GRM5: variants seen among roughly 807,000 people sequenced by gnomAD.
GRM5 encodes glutamate metabotropic receptor 5, also known as metabotropic glutamate receptor 5.
In GRM5, 19 loss-of-function variants were observed where a neutral mutation model predicts 83.1. The observed-to-expected ratio is 0.23, with a 90% CI of 0.16 to 0.34. The LOEUF (loss-of-function observed/expected upper bound fraction) is 0.34, where lower values mean the gene tolerates loss of function less well. Ranked by LOEUF, GRM5 falls within the 10% of genes least tolerant of loss-of-function variation. GRM5 has a pLI of 1.00. For synonymous variants in GRM5, 675 were observed against 633.6 expected (o/e 1.07, Z -0.98); for missense variants, 1,160 against 1,588.3 (o/e 0.73, Z 4.58).
chr11:88,701,338 G>A (rs558866250), intron 3 of GRM5, among the ~76,000 whole-genome samples: 59 of 152,120 alleles, frequency 3.9e-4, no homozygotes, highest in Non-Finnish European at 5.9e-4. Context: ...GGACTAAGAA[G>A]GACATGGTGA....
At chr11:88,830,889 A>G (rs1943978601) in intron 3 of GRM5, among the ~76,000 whole-genome samples, 2 of 152,162 alleles carry the variant, frequency 1.3e-5, no homozygotes, top group Non-Finnish European at 1.5e-5. Context: ...CAGGTCTCAC[A>G]TGGATGGCAG....
intron 2 of GRM5, among the ~76,000 whole-genome samples, chr11:89,009,764 G>A (rs1242605867): frequency 6.6e-6 from 1 of 150,884 alleles, no homozygotes; most frequent in African/African-American, 2.4e-5. Context: ...AGCCGGGCGT[G>A]GTAGCGGGCG....
At chr11:88,925,592 A>G (rs1411392535) in intron 2 of GRM5, among the ~76,000 whole-genome samples, 1 of 152,160 alleles carries the variant, frequency 6.6e-6, no homozygotes, top group East Asian at 1.9e-4. Flanking sequence ...CTAAAAATCA[A>G]AAAGCACCTC....
intron 4 of GRM5, among the ~76,000 whole-genome samples, chr11:88,641,752 G>A (rs575612161): frequency 6.6e-6 from 1 of 152,318 alleles, no homozygotes; most frequent in African/African-American, 2.4e-5. Flanking sequence ...CACTTCTAGG[G>A]CATGTGGGTG....
At chr11:88,529,175 C>T (rs897704388) in intron 8 of GRM5, among the ~76,000 whole-genome samples, 2 of 151,758 alleles carry the variant, frequency 1.3e-5, no homozygotes, top group Non-Finnish European at 2.9e-5. Context: ...CATTCAAAAC[C>T]GTTTACTGAA....
chr11:88,656,602 G>GT (rs1325596820), intron 3 of GRM5, among the ~76,000 whole-genome samples: 1 of 151,916 alleles, frequency 6.6e-6, no homozygotes. Context: ...GCATGTTCGT[G>GT]TTTTTTATTG....
At chr11:89,044,994 TAA>T (rs1941613298) in intron 2 of GRM5, among the ~76,000 whole-genome samples, 1 of 152,174 alleles carries the variant, frequency 6.6e-6, no homozygotes, top group Non-Finnish European at 1.5e-5. Flanking sequence ...TGATAAATCA[TAA>T]GACTTAACAC....
intron 8 of GRM5, among the ~76,000 whole-genome samples, chr11:88,541,874 G>A (rs566285017): frequency 3.0e-4 from 45 of 152,342 alleles, no homozygotes; most frequent in African/African-American, 1.0e-3. Context: ...GTGGAGGAAG[G>A]GAGGTGATTG....
intron 4 of GRM5, among the ~76,000 whole-genome samples, chr11:88,623,879 C>T (rs904546828): frequency 4.6e-5 from 7 of 152,146 alleles, no homozygotes; most frequent in African/African-American, 1.7e-4. Flanking sequence ...GGGCAATATT[C>T]TTTAAATTAA....
chr11:88,988,945 GCAT>G (rs1939854332), intron 2 of GRM5, among the ~76,000 whole-genome samples: 4 of 147,772 alleles, frequency 2.7e-5, no homozygotes, highest in African/African-American at 1.0e-4. Context: ...GGAAGAAACT[GCAT>G]CAACTAATGA....
intron 8 of GRM5, among the ~76,000 whole-genome samples, chr11:88,538,949 A>G (rs1333360568): frequency 6.6e-6 from 1 of 152,208 alleles, no homozygotes; most frequent in Non-Finnish European, 1.5e-5. Flanking sequence ...GGCCTAAGGG[A>G]TACAGGTAAC....
At chr11:88,593,824 C>T (rs1225349480) in intron 6 of GRM5, among the ~76,000 whole-genome samples, 1 of 149,612 alleles carries the variant, frequency 6.7e-6, no homozygotes, top group Non-Finnish European at 1.5e-5. Context: ...GACGTAGTCT[C>T]ACTCTGTCGC....
rs1942907604 is a variant in GRM5 at position 88,567,942 on chromosome 11, T to G, written c.1741A>C (p.Ile581Leu). Residue 581 changes from isoleucine to leucine, a missense_variant, in exon 8 of 10, where the codon ATT (isoleucine) becomes CTT (leucine). Around this residue, in one of 9 missense-constraint regions of GRM5, gnomAD observed 132 missense variants for 245.5 expected, o/e 0.54. Transcript: ENST00000305447. The surrounding 1 kb of genome is among the most constrained non-coding windows in gnomAD (Gnocchi z 7.3). Reference sequence around the variant, plus strand: ...AGGCAGGCAAACACCACAGCTGCAATGGGTTCAGGGTCACCCCATCGAAGA... The same window carrying G: ...AGGCAGGCAAACACCACAGCTGCAAGGGGTTCAGGGTCACCCCATCGAAGA... ...QYLRWGDPEP[I>L]AAVVFACLGL... 6.2e-7 allele frequency: 1 copy of G among 1,613,870 alleles called. No individual in the cohort carries two copies. Among genetic ancestry groups the G allele is most frequent in the Non-Finnish European group, 8.5e-7 (1 of 1,179,950 alleles).
intron 3 of GRM5, among the ~76,000 whole-genome samples, chr11:88,726,717 G>C (rs2135401733): frequency 6.6e-6 from 1 of 152,314 alleles, no homozygotes; most frequent in African/African-American, 2.4e-5. Flanking sequence ...CAAGTCAGAA[G>C]ATCATGGGGG....
chr11:88,650,429 A>G (rs1430567976), intron 4 of GRM5, among the ~76,000 whole-genome samples: 1 of 152,018 alleles, frequency 6.6e-6, no homozygotes, highest in Non-Finnish European at 1.5e-5. Context: ...CCAGCTTTCC[A>G]AAAACATGAA....
At chr11:88,918,723 G>A (rs1334010913) in intron 2 of GRM5, among the ~76,000 whole-genome samples, 2 of 150,004 alleles carry the variant, frequency 1.3e-5, no homozygotes, top group African/African-American at 4.9e-5. Context: ...GATATAAATA[G>A]AAACAACAAA....
intron 3 of GRM5, among the ~76,000 whole-genome samples, chr11:88,693,489 T>C (rs1940830593): frequency 6.6e-6 from 1 of 152,030 alleles, no homozygotes; most frequent in Non-Finnish European, 1.5e-5. Flanking sequence ...AAACAAAAGA[T>C]GGAGGAAAAA....
chr11:88,717,159 T>G (rs912580943), intron 3 of GRM5, among the ~76,000 whole-genome samples: 1 of 152,118 alleles, frequency 6.6e-6, no homozygotes, highest in East Asian at 1.9e-4. Flanking sequence ...ACAAAGCCAC[T>G]TAAATAGGAA....
At chr11:88,681,299 T>G (rs866034238) in intron 3 of GRM5, among the ~76,000 whole-genome samples, 1 of 152,116 alleles carries the variant, frequency 6.6e-6, no homozygotes, top group South Asian at 2.1e-4. Flanking sequence ...TTCCATTCCT[T>G]TATTAATTCC....
Sources: allele counts gnomAD v4.1 joint callset (sites outside exome capture counted in the v4.1 genomes callset), GRCh38; gene constraint gnomAD v4.1.1; regional missense constraint gnomAD v4.1.1; non-coding constraint Gnocchi (gnomAD v3.1); transcripts MANE v1.5; gene names NCBI Gene and HGNC (gene_info 2026-07-23, HGNC 2026-07-21).